Variants in ARSB observed in about 807,000 individuals in gnomAD.
ARSB encodes the protein N-acetylgalactosamine-4-sulfatase.
Under a neutral mutation model 50.9 loss-of-function variants are expected in ARSB, and 41 were observed. That is an observed-to-expected ratio of 0.81 (90% CI 0.63 to 1.04). The LOEUF is 1.04. Among genes scored for constraint, ARSB ranks in the 50% least tolerant of loss-of-function variants. The probability of loss-of-function intolerance (pLI) is 0.00; values close to 1 mark genes in which losing one functional copy is unlikely to be tolerated. For synonymous variants in ARSB, 269 were observed against 284.8 expected, an observed-to-expected ratio of 0.94 and a Z score of 0.56; for missense variants, 672 against 693.3, an observed-to-expected ratio of 0.97 and a Z score of 0.35.
intron 6 of ARSB, among the ~76,000 whole-genome samples, chr5:78,825,543 A>G (rs1394192024): frequency 6.6e-6 from 1 of 152,206 alleles, no homozygotes; most frequent in Non-Finnish European, 1.5e-5. Flanking sequence ...ACAATTAGAA[A>G]TCAAGTACTA....
intron 4 of ARSB, among the ~76,000 whole-genome samples, chr5:78,927,602 G>A (rs1750112508): frequency 6.6e-6 from 1 of 152,186 alleles, no homozygotes. Flanking sequence ...AGTCAAAACA[G>A]AGATAGTAAA....
intron 5 of ARSB, among the ~76,000 whole-genome samples, chr5:78,860,648 A>G (rs193190610): frequency 3.1e-4 from 47 of 152,376 alleles, no homozygotes; most frequent in African/African-American, 1.1e-3. Context: ...AATGCCCACA[A>G]GAGAAAGCAG....
chr5:78,956,209 ATAC>A (rs1225283332), intron 3 of ARSB, among the ~76,000 whole-genome samples: 6 of 152,248 alleles, frequency 3.9e-5, no homozygotes, highest in Admixed American at 6.5e-5. Context: ...GTATTGATAC[ATAC>A]TACAACATAG....
chr5:78,892,248 C>CTTT (rs34960858), intron 4 of ARSB, among the ~76,000 whole-genome samples: 3,034 of 87,208 alleles, frequency 0.035, 384 homozygotes, highest in African/African-American at 0.12. Flanking sequence ...ATTCTCTATT[C>CTTT]TTTTTTTTTT....
intron 6 of ARSB, among the ~76,000 whole-genome samples, chr5:78,790,091 A>G (rs1445772330): frequency 6.6e-6 from 1 of 152,166 alleles, no homozygotes; most frequent in African/African-American, 2.4e-5. Flanking sequence ...TGATTGGAGA[A>G]TGGGGCTTAG....
At chr5:78,961,161 C>T (rs1751966692) in intron 3 of ARSB, among the ~76,000 whole-genome samples, 1 of 152,106 alleles carries the variant, frequency 6.6e-6, no homozygotes, top group Non-Finnish European at 1.5e-5. Context: ...GAACAAGTTC[C>T]TTATGCTACA....
chr5:78,944,146 T>A (rs1418683638), intron 4 of ARSB, among the ~76,000 whole-genome samples: 1 of 152,230 alleles, frequency 6.6e-6, no homozygotes, highest in African/African-American at 2.4e-5. Flanking sequence ...TTTAAGGACT[T>A]CTCTGCATTG....
chr5:78,814,200 C>T (rs1478320939), intron 6 of ARSB, among the ~76,000 whole-genome samples: 3 of 151,146 alleles, frequency 2.0e-5, no homozygotes, highest in Non-Finnish European at 4.4e-5. Context: ...AAAAGACATG[C>T]TGTTAATCAA....
At chr5:78,807,816 G>A (rs1005058764) in intron 6 of ARSB, among the ~76,000 whole-genome samples, 12 of 152,212 alleles carry the variant, frequency 7.9e-5, no homozygotes, top group Admixed American at 4.6e-4. Context: ...AACATAGGCC[G>A]GGCGCGGTGG....
At chr5:78,830,459 G>A (rs1027226153) in intron 6 of ARSB, among the ~76,000 whole-genome samples, 1 of 152,184 alleles carries the variant, frequency 6.6e-6, no homozygotes, top group Non-Finnish European at 1.5e-5. Flanking sequence ...TTGGGGCAGC[G>A]GGATTTGCCA....
chr5:78,921,196 C>T (rs958991056), intron 4 of ARSB, among the ~76,000 whole-genome samples: 3 of 152,138 alleles, frequency 2.0e-5, no homozygotes, highest in Admixed American at 1.3e-4. Context: ...TATTTGCAAA[C>T]CCTCCACAAT....
intron 4 of ARSB, among the ~76,000 whole-genome samples, chr5:78,931,696 CATT>C (rs1211248928): frequency 6.6e-6 from 1 of 151,568 alleles, no homozygotes; most frequent in Non-Finnish European, 1.5e-5. Flanking sequence ...TACAAAATTT[CATT>C]ATTCTTTGGC....
At chr5:78,892,280 G>C (rs1313036266) in intron 4 of ARSB, among the ~76,000 whole-genome samples, 1 of 111,018 alleles carries the variant, frequency 9.0e-6, no homozygotes, top group Non-Finnish European at 1.7e-5. Flanking sequence ...TTTTGAGACA[G>C]TGTCTCACTC....
chr5:78,966,839 C>T (rs1752226150), intron 2 of ARSB, among the ~76,000 whole-genome samples: 1 of 151,424 alleles, frequency 6.6e-6, no homozygotes, highest in Non-Finnish European at 1.5e-5. Context: ...GTTTGCTCCT[C>T]TAGAATTTCC....
At chr5:78,801,904 A>C (rs1743408260) in intron 6 of ARSB, among the ~76,000 whole-genome samples, 1 of 152,062 alleles carries the variant, frequency 6.6e-6, no homozygotes. Context: ...CACTTCTGCA[A>C]ATGAGAAATA....
chr5:78,829,839 T>C lies in ARSB; in HGVS notation c.1213+9517A>G, dbSNP rs544105967. Among the ~76,000 whole-genome samples, 43 of 152,342 alleles carry C rather than the reference T, an allele frequency of 2.8e-4. 1 individual carries two copies. The highest frequency in any genetic ancestry group is 1.0e-3 in the African/African-American group (43 of 41,580). ...CCTAAAATTTTATGAGGTTTTATGT[T>C]TTTACAGAATTTTATGGTAGACTCT... On this transcript the variant is annotated intron_variant, in intron 6 of 7. Coordinates refer to ENST00000264914, the MANE Select transcript of ARSB (RefSeq NM_000046.5).
chr5:78,840,022 C>T (rs181789308), intron 5 of ARSB, among the ~76,000 whole-genome samples: 5 of 152,296 alleles, frequency 3.3e-5, no homozygotes, highest in South Asian at 4.1e-4. Flanking sequence ...ACTTGGAGAT[C>T]GCTTAGTTCA....
At chr5:78,831,319 C>T (rs1195086191) in intron 6 of ARSB, among the ~76,000 whole-genome samples, 2 of 151,980 alleles carry the variant, frequency 1.3e-5, no homozygotes, top group African/African-American at 4.8e-5. Flanking sequence ...ACTGCCCACC[C>T]CACACACAGC....
At position 78,778,282 on chromosome 5, in the gene ARSB, G is replaced by A. The variant is rs940989314; in HGVS notation, c.*2115C>T. On this transcript the variant is annotated 3_prime_UTR_variant, in exon 8 of 8. Transcript: ENST00000264914. Reference sequence around the variant, plus strand: ...TCAGCTGTTTGCCAACCCAGGAGTTGGGTAAAGGTTGGTAAGAGATGTTAT... The same window carrying A: ...TCAGCTGTTTGCCAACCCAGGAGTTAGGTAAAGGTTGGTAAGAGATGTTAT... 7 of 152,214 alleles carry A rather than the reference G, an allele frequency of 4.6e-5. No homozygotes were observed. The highest frequency in any genetic ancestry group is 1.0e-4 in the Non-Finnish European group (7 of 68,048). 9.4% of individuals were successfully genotyped at this position (152,214 alleles called of 1,614,324 possible). A position where few individuals can be genotyped will look rare whatever the true frequency, so the allele number is the denominator to read the frequency against.
Sources: allele counts gnomAD v4.1 joint callset (sites outside exome capture counted in the v4.1 genomes callset), GRCh38; gene constraint gnomAD v4.1.1; transcripts MANE v1.5; gene names NCBI Gene and HGNC (gene_info 2026-07-23, HGNC 2026-07-21).